Variants in TMCC1 observed in about 807,000 individuals in gnomAD.
TMCC1 encodes the protein transmembrane and coiled-coil domains protein 1.
Under a neutral mutation model 52.4 loss-of-function variants are expected in TMCC1, and 15 were observed. The observed-to-expected ratio is 0.29, with a 90% confidence interval of 0.19 to 0.44. The LOEUF (loss-of-function observed/expected upper bound fraction) is 0.44, where lower values mean the gene tolerates loss of function less well. Among genes scored for constraint, TMCC1 ranks in the 20% least tolerant of loss-of-function variants. The pLI, the probability that TMCC1 is intolerant of heterozygous loss-of-function variation, is 1.00. For missense variants in TMCC1, 503 were observed against 806.0 expected, an observed-to-expected ratio of 0.62 and a Z score of 4.55; for synonymous variants, 279 against 301.9, an observed-to-expected ratio of 0.92 and a Z score of 0.79.
chr3:129,838,408 C>CA (rs1335982525), intron 2 of TMCC1, among the ~76,000 whole-genome samples: 4 of 148,850 alleles, frequency 2.7e-5, no homozygotes, highest in Non-Finnish European at 5.9e-5. Context: ...GACCCTGTCT[C>CA]AAAAAATAAA....
intron 4 of TMCC1, among the ~76,000 whole-genome samples, chr3:129,727,081 T>A (rs1227448774): frequency 6.6e-6 from 1 of 151,926 alleles, no homozygotes; most frequent in Non-Finnish European, 1.5e-5. Context: ...CTTCATGCAC[T>A]GTCATACCAA....
Position 129,651,305 on chromosome 3 carries a change from T to C in TMCC1, c.*176A>G. ...CGCCCAAAAAACTTCTTGGATAAAA[T>C]CTAAAAAATACTATTGCAATTGCGT... is the stretch of plus-strand genomic sequence containing the variant. On this transcript the variant is annotated 3_prime_UTR_variant, in exon 7 of 7. Coordinates refer to ENST00000393238, the MANE Select transcript of TMCC1 (RefSeq NM_001017395.5). The surrounding 1 kb of genome is among the most constrained non-coding windows in gnomAD (Gnocchi z 5.1). 2.8e-6 allele frequency: 2 copies of C among 726,398 alleles called. No homozygotes were observed. Among genetic ancestry groups the C allele is most frequent in the Non-Finnish European group, 2.1e-6 (1 of 470,520 alleles). 45.0% of individuals were successfully genotyped at this position (726,398 alleles called of 1,614,324 possible).
Position 129,891,521 on chromosome 3 carries a change from T to C in TMCC1, c.-435+1973A>G, listed in dbSNP as rs9814273. Among the ~76,000 whole-genome samples, 1,307 of 152,326 alleles carry C rather than the reference T, an allele frequency of 8.6e-3. 21 individuals carry two copies. The highest frequency in any genetic ancestry group is 0.029 in the African/African-American group (1,220 of 41,564). On this transcript the variant is annotated intron_variant, in intron 1 of 6. Coordinates refer to ENST00000393238, the MANE Select transcript of TMCC1 (RefSeq NM_001017395.5). Reference sequence around the variant, plus strand: ...CAGAATTGAGTAGTTGCAAAAGAGATCATATGGCCCAAAAACCCTGGTATG... The same window carrying C: ...CAGAATTGAGTAGTTGCAAAAGAGACCATATGGCCCAAAAACCCTGGTATG...
chr3:129,852,456 C>CAAAAAAAAAAAA (rs1015860543), intron 2 of TMCC1, among the ~76,000 whole-genome samples: 1 of 39,826 alleles, frequency 2.5e-5, no homozygotes, highest in Admixed American at 2.9e-4. Flanking sequence ...GACACCGTCT[C>CAAAAAAAAAAAA]AAAAAAAAAA....
At chr3:129,764,622 C>T (rs2053920888) in intron 4 of TMCC1, among the ~76,000 whole-genome samples, 1 of 151,618 alleles carries the variant, frequency 6.6e-6, no homozygotes, top group African/African-American at 2.4e-5. Flanking sequence ...CATTCATCAA[C>T]ACCTGGGCAA....
At chr3:129,763,572 AAG>A (rs1280014933) in intron 4 of TMCC1, among the ~76,000 whole-genome samples, 5 of 150,334 alleles carry the variant, frequency 3.3e-5, no homozygotes, top group South Asian at 2.1e-4. Context: ...AAAAAAGAAA[AAG>A]AAAAAATTAT....
chr3:129,724,615 A>T (rs1171750341), intron 4 of TMCC1, among the ~76,000 whole-genome samples: 1 of 152,190 alleles, frequency 6.6e-6, no homozygotes, highest in African/African-American at 2.4e-5. Context: ...CCTAATATAC[A>T]TCATCATTTC....
At chr3:129,865,605 T>C (rs957171331) in intron 2 of TMCC1, among the ~76,000 whole-genome samples, 3 of 152,170 alleles carry the variant, frequency 2.0e-5, no homozygotes, top group African/African-American at 7.2e-5. Context: ...TTCCACTATA[T>C]CCTTAATTCC....
At chr3:129,761,354 C>T (rs12636427) in intron 4 of TMCC1, among the ~76,000 whole-genome samples, 137,585 of 142,010 alleles carry the variant, frequency 0.97, 66,786 homozygotes, top group Non-Finnish European at 1. Context: ...AAAAAAAATC[C>T]CCTGTGCTTC....
intron 4 of TMCC1, among the ~76,000 whole-genome samples, chr3:129,797,275 G>A (rs532462641): frequency 6.0e-5 from 9 of 151,218 alleles, no homozygotes; most frequent in East Asian, 2.0e-4. Context: ...GCAGTGAGCC[G>A]AGATCACGCC....
At position 129,648,555 on chromosome 3, in the gene TMCC1, C is replaced by CAATGTAA. The variant is rs2086151078; in HGVS notation, c.*2919_*2925dup. 6.6e-6 allele frequency: 1 copy of CAATGTAA among 152,184 alleles called. No homozygotes were observed. Among genetic ancestry groups the CAATGTAA allele is most frequent in the Non-Finnish European group, 1.5e-5 (1 of 68,042 alleles). The allele number at this position is 152,184 out of a possible 1,614,324, so 9.4% of individuals were successfully genotyped here. A position where few individuals can be genotyped will look rare whatever the true frequency, so the allele number is the denominator to read the frequency against. On this transcript the variant is annotated 3_prime_UTR_variant, in exon 7 of 7. Coordinates refer to ENST00000393238, the MANE Select transcript of TMCC1 (RefSeq NM_001017395.5). ...AGAAGTACCCTTCAATTATCATAAACAATGTAAAATGCGCATTCTACAACC... is the reference window on the plus strand; with the variant it reads ...AGAAGTACCCTTCAATTATCATAAACAATGTAAAATGTAAAATGCGCATTCTACAACC...
chr3:129,840,944 G>C (rs1233112280), intron 2 of TMCC1, among the ~76,000 whole-genome samples: 1 of 152,166 alleles, frequency 6.6e-6, no homozygotes, highest in Non-Finnish European at 1.5e-5. Context: ...AGTGACTTTG[G>C]AACTGGGTAA....
chr3:129,793,034 C>T (rs73866128), intron 4 of TMCC1, among the ~76,000 whole-genome samples: 2,358 of 152,212 alleles, frequency 0.015, 47 homozygotes, highest in African/African-American at 0.054. Flanking sequence ...TGTGCAGGAA[C>T]GTCACTGCCC....
intron 2 of TMCC1, chr3:129,857,552 T>A (rs1279771525): frequency 6.6e-6 from 1 of 151,540 alleles, no homozygotes; most frequent in South Asian, 2.1e-4. Context: ...GTCCAAGTAC[T>A]TTTTTTTTAA....
intron 4 of TMCC1, among the ~76,000 whole-genome samples, chr3:129,671,482 C>T (rs942914244): frequency 1.3e-5 from 2 of 152,186 alleles, no homozygotes; most frequent in African/African-American, 4.8e-5. Context: ...AAGATCTGCA[C>T]AAGATATAAG....
intron 2 of TMCC1, among the ~76,000 whole-genome samples, chr3:129,854,328 G>A (rs1205684413): frequency 2.6e-5 from 4 of 151,608 alleles, no homozygotes; most frequent in Admixed American, 2.6e-4. Context: ...GGAGGCGGAA[G>A]GGTGAGGCAA....
intron 1 of TMCC1, among the ~76,000 whole-genome samples, chr3:129,891,519 G>A (rs954734927): frequency 1.3e-5 from 2 of 152,218 alleles, no homozygotes; most frequent in Non-Finnish European, 2.9e-5. Context: ...TTGCAAAAGA[G>A]ATCATATGGC....
intron 4 of TMCC1, among the ~76,000 whole-genome samples, chr3:129,708,454 G>C (rs1443961182): frequency 1.3e-5 from 2 of 152,132 alleles, no homozygotes; most frequent in African/African-American, 4.8e-5. Flanking sequence ...CATCCTGTTT[G>C]CTTTTTCTTT....
chr3:129,837,435 G>A (rs1375798553), intron 2 of TMCC1, among the ~76,000 whole-genome samples: 1 of 152,092 alleles, frequency 6.6e-6, no homozygotes, highest in Non-Finnish European at 1.5e-5. Context: ...AGTTCCCATG[G>A]CAACAATAAA....
Sources: allele counts gnomAD v4.1 joint callset (sites outside exome capture counted in the v4.1 genomes callset), GRCh38; gene constraint gnomAD v4.1.1; non-coding constraint Gnocchi (gnomAD v3.1); transcripts MANE v1.5; gene names NCBI Gene and HGNC (gene_info 2026-07-23, HGNC 2026-07-21).